MANBA: variants seen among roughly 807,000 people sequenced by gnomAD.
The protein encoded by MANBA is mannosidase beta.
MANBA carries 83 observed loss-of-function variants against 111.1 expected under a neutral mutation model. The ratio of observed to expected loss-of-function variants is 0.75; its 90% CI spans 0.63 to 0.90. MANBA has a LOEUF of 0.90. Among genes scored for constraint, MANBA ranks in the 40% least tolerant of loss-of-function variants. The pLI, the probability that MANBA is intolerant of heterozygous loss-of-function variation, is 0.00. For missense variants in MANBA, 1,036 were observed against 1,069.0 expected, an observed-to-expected ratio of 0.97 and a Z score of 0.43; for synonymous variants, 370 against 378.7, an observed-to-expected ratio of 0.98 and a Z score of 0.27.
chr4:102,684,463 G>A (rs528278388), intron 7 of MANBA, among the ~76,000 whole-genome samples: 27 of 152,280 alleles, frequency 1.8e-4, no homozygotes, highest in African/African-American at 6.0e-4. Context: ...CAGCAGACAT[G>A]CCGTTGGGGG....
At chr4:102,695,682 C>G (rs1455172871) in intron 5 of MANBA, among the ~76,000 whole-genome samples, 1 of 152,152 alleles carries the variant, frequency 6.6e-6, no homozygotes, top group Non-Finnish European at 1.5e-5. Flanking sequence ...GGCCAAGGGT[C>G]CAGGTTTCCT....
intron 5 of MANBA, among the ~76,000 whole-genome samples, chr4:102,692,107 G>C (rs528256490): frequency 2.0e-5 from 3 of 152,256 alleles, no homozygotes; most frequent in African/African-American, 7.2e-5. Flanking sequence ...TCATCAAAGA[G>C]CATGACCAGA....
intron 1 of MANBA, among the ~76,000 whole-genome samples, chr4:102,756,104 C>T (rs1724001154): frequency 6.6e-6 from 1 of 152,184 alleles, no homozygotes; most frequent in African/African-American, 2.4e-5. Flanking sequence ...TACCATTTGA[C>T]CCAGCCATCC....
intron 13 of MANBA, among the ~76,000 whole-genome samples, chr4:102,643,600 G>A (rs773372713): frequency 4.6e-5 from 7 of 152,102 alleles, no homozygotes; most frequent in Non-Finnish European, 8.8e-5. Flanking sequence ...TATTGTAGTG[G>A]ATATAACTGG....
intron 1 of MANBA, among the ~76,000 whole-genome samples, chr4:102,750,173 CT>C (rs1281531935): frequency 2.0e-5 from 3 of 149,656 alleles, no homozygotes; most frequent in African/African-American, 2.4e-5. Context: ...AGCAGTCAAA[CT>C]TTTTTTTTTA....
At chr4:102,722,294 A>T (rs1722613762) in intron 4 of MANBA, 1 of 156,482 alleles carries the variant, frequency 6.4e-6, no homozygotes, top group Non-Finnish European at 1.4e-5. Flanking sequence ...TAAAATTTTT[A>T]AAATATGAAG....
intron 1 of MANBA, among the ~76,000 whole-genome samples, chr4:102,740,419 A>C (rs1024314107): frequency 1.3e-5 from 2 of 152,242 alleles, no homozygotes; most frequent in African/African-American, 4.8e-5. Context: ...TACCATCATC[A>C]TTCTTCACAG....
Position 102,669,065 on chromosome 4 carries a change from A to T in MANBA, c.1231-16T>A. 6.3e-7 allele frequency: 1 copy of T among 1,574,842 alleles called. No individual in the cohort carries two copies. The highest frequency in any genetic ancestry group is 8.7e-7 in the Non-Finnish European group (1 of 1,145,174). On this transcript the variant is annotated splice_polypyrimidine_tract_variant and intron_variant, in intron 9 of 16. Coordinates refer to ENST00000647097, the MANE Select transcript of MANBA (RefSeq NM_005908.4). ...CCTGCCATACCTAGCAAATCAAATA[A>T]AAGGGAATGCAACACTTCCATAAGT... is the stretch of plus-strand genomic sequence containing the variant.
At chr4:102,757,922 C>T (rs1297648855) in intron 1 of MANBA, among the ~76,000 whole-genome samples, 2 of 152,224 alleles carry the variant, frequency 1.3e-5, no homozygotes, top group African/African-American at 4.8e-5. Context: ...TCCAGCCACA[C>T]TGGCCTGCTG....
At chr4:102,742,065 G>T (rs947242152) in intron 1 of MANBA, among the ~76,000 whole-genome samples, 9 of 152,036 alleles carry the variant, frequency 5.9e-5, no homozygotes, top group African/African-American at 2.2e-4. Flanking sequence ...TGTATTCCAC[G>T]CATACTCTTC....
At chr4:102,632,451 A>T (rs542142319) in intron 16 of MANBA, among the ~76,000 whole-genome samples, 170 bp from the exon 17 acceptor site, 12 of 152,372 alleles carry the variant, frequency 7.9e-5, no homozygotes, top group African/African-American at 2.9e-4. Context: ...TACATGGAAA[A>T]TGACTACAGG....
At chr4:102,733,198 T>TC (rs1193289742) in intron 1 of MANBA, among the ~76,000 whole-genome samples, 12 of 152,322 alleles carry the variant, frequency 7.9e-5, no homozygotes, top group African/African-American at 2.9e-4. Flanking sequence ...ATACTAGGCC[T>TC]CAGCAGACCA....
At chr4:102,669,628 T>C (rs1319816240) in intron 9 of MANBA, among the ~76,000 whole-genome samples, 2 of 151,780 alleles carry the variant, frequency 1.3e-5, no homozygotes, top group Admixed American at 1.3e-4. Flanking sequence ...GCGTATCACC[T>C]GAGGTCAAGA....
chr4:102,737,578 GT>G (rs1194622298), intron 1 of MANBA, among the ~76,000 whole-genome samples: 3 of 152,098 alleles, frequency 2.0e-5, no homozygotes, highest in African/African-American at 7.2e-5. Context: ...CGCCTCCCGG[GT>G]TCACACCATT....
At chr4:102,697,927 C>A (rs1294067988) in intron 5 of MANBA, among the ~76,000 whole-genome samples, 1 of 151,970 alleles carries the variant, frequency 6.6e-6, no homozygotes, top group Non-Finnish European at 1.5e-5. Flanking sequence ...CCTGAGGAAT[C>A]GCCACACTGA....
rs753271164 is a variant in MANBA at position 102,690,780 on chromosome 4, T to A, written c.674-9A>T. 1.5e-6 allele frequency: 2 copies of A among 1,300,316 alleles called. No homozygotes were observed. The highest frequency in any genetic ancestry group is 2.1e-6 in the Non-Finnish European group (2 of 954,728). 80.5% of individuals were successfully genotyped at this position (1,300,316 alleles called of 1,614,324 possible). ...CTCCTGGGCACTCTTATCTAAAATATAAAAAGAAAAAGAAATATATATATA... is the reference window on the plus strand; with the variant it reads ...CTCCTGGGCACTCTTATCTAAAATAAAAAAAGAAAAAGAAATATATATATA... On this transcript the variant is annotated splice_polypyrimidine_tract_variant and intron_variant, in intron 5 of 16. Transcript: ENST00000647097.
chr4:102,739,225 A>C (rs1463688638), intron 1 of MANBA, among the ~76,000 whole-genome samples: 3 of 152,224 alleles, frequency 2.0e-5, no homozygotes, highest in African/African-American at 7.2e-5. Context: ...AATTCCTGCA[A>C]ATATACAATC....
chr4:102,652,882 T>C (rs896830035), intron 12 of MANBA, among the ~76,000 whole-genome samples: 3 of 152,072 alleles, frequency 2.0e-5, no homozygotes, highest in African/African-American at 4.8e-5. Flanking sequence ...GTGACACAGC[T>C]AGACCCTCTC....
At chr4:102,655,303 T>C (rs1474070596) in intron 12 of MANBA, among the ~76,000 whole-genome samples, 1 of 151,966 alleles carries the variant, frequency 6.6e-6, no homozygotes. Flanking sequence ...TCTGCAGAAA[T>C]TGGCAAATAG....
Sources: gnomAD v4.1 joint callset for allele counts (sites outside exome capture counted in the v4.1 genomes callset) on GRCh38, gnomAD v4.1.1 for gene constraint, MANE v1.5 for transcripts, NCBI Gene and HGNC (gene_info 2026-07-23, HGNC 2026-07-21) for gene names.